The following FASTKD3 variants were observed in gnomAD, a reference collection of about 807,000 sequenced individuals.
The protein encoded by FASTKD3 is FAST kinase domains 3.
In FASTKD3, 47 loss-of-function variants were observed where a neutral mutation model predicts 49.7. The observed-to-expected ratio is 0.95, with a 90% confidence interval of 0.75 to 1.21. FASTKD3 has a LOEUF of 1.21. Among genes scored for constraint, FASTKD3 ranks in the 50% most tolerant of loss-of-function variants. The pLI is 0.00. For missense variants in FASTKD3, 748 were observed against 765.7 expected (o/e 0.98, Z 0.27); for synonymous variants, 284 against 288.6 (o/e 0.98, Z 0.16).
chr5:7,869,009 T>C lies in FASTKD3; in HGVS notation c.-144A>G. On this transcript the variant is annotated 5_prime_UTR_variant, in exon 1 of 7. Transcript: ENST00000264669. ...TCTGCCGGGCAATCACTCCGGGTGG[T>C]CGCGGAAGCGCCTGGGCGTCGTGGG... is the stretch of plus-strand genomic sequence containing the variant. 4.3e-6 allele frequency: 5 copies of C among 1,154,824 alleles called. No individual in the cohort carries two copies. Among genetic ancestry groups the C allele is most frequent in the Non-Finnish European group, 6.5e-6 (5 of 772,502 alleles). The allele number at this position is 1,154,824 out of a possible 1,614,324, so 71.5% of individuals were successfully genotyped here. A position where few individuals can be genotyped will look rare whatever the true frequency, so the allele number is the denominator to read the frequency against.
At chr5:7,860,987 C>T (rs1387205428) in intron 6 of FASTKD3, among the ~76,000 whole-genome samples, 162 bp downstream of exon 6, 4 of 152,206 alleles carry the variant, frequency 2.6e-5, no homozygotes, top group Non-Finnish European at 5.9e-5. Flanking sequence ...CTTGGGTTCC[C>T]AAGCCATTTC....
At chr5:7,864,094 A>AC (rs1308959302) in intron 3 of FASTKD3, among the ~76,000 whole-genome samples, 2 of 152,062 alleles carry the variant, frequency 1.3e-5, no homozygotes, top group African/African-American at 4.8e-5. Context: ...CAGGTGATCC[A>AC]CCCGCCTTGG....
intron 2 of FASTKD3, 23 bp downstream of exon 2, chr5:7,866,623 G>C: frequency 6.6e-7 from 1 of 1,526,332 alleles, no homozygotes; most frequent in Non-Finnish European, 8.8e-7. Context: ...TTTTCCAACT[G>C]TCAGAATTTA....
chr5:7,861,907 G>A (rs889293112), intron 4 of FASTKD3: 43 of 483,028 alleles, frequency 8.9e-5, no homozygotes, highest in Non-Finnish European at 1.2e-4. Flanking sequence ...GTTATCTGGG[G>A]TATGACAAGA....
At chr5:7,865,469 A>G (rs536835999) in intron 3 of FASTKD3, among the ~76,000 whole-genome samples, 1 of 152,286 alleles carries the variant, frequency 6.6e-6, no homozygotes, top group East Asian at 1.9e-4. Context: ...TAGATAAACT[A>G]AACTCTATTA....
chr5:7,864,633 A>T (rs2126605192), intron 3 of FASTKD3, among the ~76,000 whole-genome samples: 1 of 152,356 alleles, frequency 6.6e-6, no homozygotes, highest in Non-Finnish European at 1.5e-5. Context: ...CATATTTGAA[A>T]ATATGCTAAA....
Position 7,866,800 on chromosome 5 carries a change from TAAAGC to T in FASTKD3, c.1279_1283del (p.Ala427IlefsTer2), listed in dbSNP as rs1561106295. ...ATAGCACGTTTTCCAGCTTTCTAAA[TAAAGC>T]AGAGGCATTTGGTGGCAAATAATTG... On this transcript the variant is annotated frameshift_variant, in exon 2 of 7. Coordinates refer to ENST00000264669, the MANE Select transcript of FASTKD3 (RefSeq NM_024091.4). LOFTEE classifies it high-confidence loss of function. 1 of 1,614,196 alleles carries T rather than the reference TAAAGC, an allele frequency of 6.2e-7. No individual in the cohort carries two copies. The highest frequency in any genetic ancestry group is 8.5e-7 in the Non-Finnish European group (1 of 1,180,020).
chr5:7,859,791 C>G (rs941159247), intron 6 of FASTKD3, among the ~76,000 whole-genome samples: 5 of 152,186 alleles, frequency 3.3e-5, no homozygotes, highest in African/African-American at 1.2e-4. Context: ...AACATGATCT[C>G]TTGTTCTCCA....
chr5:7,860,720 T>A (rs898957412), intron 6 of FASTKD3, among the ~76,000 whole-genome samples: 1 of 152,222 alleles, frequency 6.6e-6, no homozygotes, highest in African/African-American at 2.4e-5. Flanking sequence ...ACCAAGCCAG[T>A]TGGGCCTTGA....
In FASTKD3 at chr5:7,867,021, G is replaced by C. The variant is rs1332268499; in HGVS notation, c.1063C>G (p.Leu355Val). The change falls in exon 2 of 7, where the codon CTA (leucine) becomes GTA (valine). Residue 355 changes from leucine to valine, a missense_variant. Physicochemically the swap from Leu to Val is conservative, Grantham distance 32. Transcript: ENST00000264669. The stretch of plus-strand genomic sequence containing the variant: ...CACACCGCAGCTACACGATGCTCTA[G>C]GGCTTTTGTAAAAAATGTGTCATGG... ...GHHDTFFTKA[L>V]EHRVAAVCLT... 1 of 1,614,034 alleles carries C rather than the reference G, an allele frequency of 6.2e-7. No homozygotes were observed. Among genetic ancestry groups the C allele is most frequent in the Non-Finnish European group, 8.5e-7 (1 of 1,180,032 alleles).
rs1183434957 is a variant in FASTKD3 at position 7,867,154 on chromosome 5, T to C, written c.930A>G (p.Gln310=). 1.9e-6 allele frequency: 3 copies of C among 1,614,194 alleles called. No homozygotes were observed. Among genetic ancestry groups the C allele is most frequent in the Admixed American group, 1.7e-5 (1 of 60,032 alleles). ...CCAATTTTATAATCAGAGGAAATGCTTGACTTTGATCAAGAACCACCAGGG... is the reference window on the plus strand; with the variant it reads ...CCAATTTTATAATCAGAGGAAATGCCTGACTTTGATCAAGAACCACCAGGG... The part of the protein sequence containing the change: ...LTALVVLDQS[Q]AFPLIIKLGK... Residue 310 remains glutamine (Q), a synonymous_variant, in exon 2 of 7, where the codon CAA becomes CAG. Transcript: ENST00000264669.
intron 5 of FASTKD3, 139 bp from the exon 6 acceptor site, chr5:7,861,402 G>C: frequency 1.7e-6 from 1 of 598,210 alleles, no homozygotes; most frequent in South Asian, 4.5e-5. Context: ...TCATGAATTT[G>C]ATCTTATTAA....
At position 7,867,790 on chromosome 5, in the gene FASTKD3, C is replaced by T; in HGVS notation, c.294G>A (p.Glu98=). 1 of 1,614,178 alleles carries T rather than the reference C, an allele frequency of 6.2e-7. No individual in the cohort carries two copies. Among genetic ancestry groups the T allele is most frequent in the Non-Finnish European group, 8.5e-7 (1 of 1,180,028 alleles). Residue 98 remains glutamate (E), a synonymous_variant, in exon 2 of 7, where the codon GAG becomes GAA. Transcript: ENST00000264669. ...TCAGTCTCCTGTAAAACATCTGACT[C>T]TCCTCATTTTTAACATTTTGTTCAA... The part of the protein sequence containing the change: ...DRLEQNVKNE[E]SQMFYRRLSN...
chr5:7,859,348 G>A lies in FASTKD3; in HGVS notation c.*87C>T. 2 of 706,782 alleles carry A rather than the reference G, an allele frequency of 2.8e-6. No homozygotes were observed. The highest frequency in any genetic ancestry group is 4.7e-6 in the Non-Finnish European group (2 of 428,022). 43.8% of individuals were successfully genotyped at this position (706,782 alleles called of 1,614,324 possible). A position where few individuals can be genotyped will look rare whatever the true frequency, so the allele number is the denominator to read the frequency against. On this transcript the variant is annotated 3_prime_UTR_variant, in exon 7 of 7. Coordinates refer to ENST00000264669, the MANE Select transcript of FASTKD3 (RefSeq NM_024091.4). ...ACCAGTCTAGAACATATTCTGCAAA[G>A]TGGCTAATTCACATTATATTTTTCT...
chr5:7,865,941 G>A lies in FASTKD3; in HGVS notation c.1481C>T (p.Thr494Ile), dbSNP rs1427046725. 6.2e-7 allele frequency: 1 copy of A among 1,614,042 alleles called. No homozygotes were observed. Among genetic ancestry groups the A allele is most frequent in the Non-Finnish European group, 8.5e-7 (1 of 1,179,944 alleles). ...CAGGACTGAGGCTAAGAAAAGTTGG[G>A]TCAGTTGTGCCCGACTCAATGTGTC... ...HLDTLSRAQLTQLFLASVLEC... is the reference protein window; with the variant it reads ...HLDTLSRAQLIQLFLASVLEC... Residue 494 changes from threonine to isoleucine, a missense_variant, in exon 3 of 7, where the codon ACC (threonine) becomes ATC (isoleucine). By Grantham distance (89) the Thr-to-Ile change is moderately conservative. Around this residue, in one of 3 missense-constraint regions of FASTKD3, gnomAD observed 6 missense variants for 20.6 expected, o/e 0.29. Transcript: ENST00000264669.
chr5:7,868,133 T>C lies in FASTKD3; in HGVS notation c.-50A>G, dbSNP rs374356086. ...CTAAATTAAAAAATTTAAAAACACA[T>C]GGTTAAATACATTGAGAACATGATT... On this transcript the variant is annotated 5_prime_UTR_variant, in exon 2 of 7. It removes an upstream start codon present in the reference 5' UTR. Coordinates refer to ENST00000264669, the MANE Select transcript of FASTKD3 (RefSeq NM_024091.4). 439 of 1,259,018 alleles carry C rather than the reference T, an allele frequency of 3.5e-4. No homozygotes were observed. Among genetic ancestry groups the C allele is most frequent in the Non-Finnish European group, 4.3e-4 (396 of 910,952 alleles). The allele number at this position is 1,259,018 out of a possible 1,614,324, so 78.0% of individuals were successfully genotyped here. A position where few individuals can be genotyped will look rare whatever the true frequency, so the allele number is the denominator to read the frequency against.
In FASTKD3 at chr5:7,867,397, G is replaced by C; in HGVS notation, c.687C>G (p.His229Gln). The C allele has an allele frequency of 6.2e-7, 1 of 1,614,200 alleles. No individual in the cohort carries two copies. Among genetic ancestry groups the C allele is most frequent in the Non-Finnish European group, 8.5e-7 (1 of 1,180,056 alleles). Reference protein sequence around the residue: ...CILGESLITLHSSGCVTLELI... With the variant: ...CILGESLITLQSSGCVTLELI... ...GTTCTAGTGTCACACAACCTGAACT[G>C]TGCAGTGTAATCAGACTTTCCCCAA... Residue 229 changes from histidine (H) to glutamine (Q), a missense_variant, in exon 2 of 7, where the codon CAC becomes CAG. Transcript: ENST00000264669.
intron 6 of FASTKD3, among the ~76,000 whole-genome samples, chr5:7,859,804 A>C (rs1746401278): frequency 6.6e-6 from 1 of 152,250 alleles, no homozygotes; most frequent in South Asian, 2.1e-4. Context: ...GTTCTCCAGG[A>C]GTTCACAACT....
At chr5:7,863,113 C>G in intron 3 of FASTKD3, 116 bp from the exon 4 acceptor site, 1 of 867,658 alleles carries the variant, frequency 1.2e-6, no homozygotes, top group Non-Finnish European at 1.8e-6. Context: ...AGGCATGATA[C>G]TTTTCCAGGA....
Sources: allele counts gnomAD v4.1 joint callset (sites outside exome capture counted in the v4.1 genomes callset), GRCh38; gene constraint gnomAD v4.1.1; regional missense constraint gnomAD v4.1.1; transcripts MANE v1.5; gene names NCBI Gene and HGNC (gene_info 2026-07-23, HGNC 2026-07-21).